Variants in ANKS1B observed in about 807,000 individuals in gnomAD.
ANKS1B encodes the protein ankyrin repeat and sterile alpha motif domain-containing protein 1B.
In ANKS1B, 36 loss-of-function variants were observed where a neutral mutation model predicts 148.3. The ratio of observed to expected loss-of-function variants is 0.24; its 90% confidence interval spans 0.19 to 0.32. The LOEUF (loss-of-function observed/expected upper bound fraction) is 0.32, where lower values mean the gene tolerates loss of function less well. ANKS1B is among the 10% of genes least tolerant of loss of function. ANKS1B has a pLI of 1.00. For missense variants in ANKS1B, 1,157 were observed against 1,542.6 expected (o/e 0.75, Z 4.19); for synonymous variants, 542 against 560.8 (o/e 0.97, Z 0.47).
intron 1 of ANKS1B, among the ~76,000 whole-genome samples, chr12:99,900,377 G>A (rs1185786332): frequency 1.3e-5 from 2 of 151,348 alleles, no homozygotes; most frequent in African/African-American, 4.8e-5. Context: ...ATGGTTGCAG[G>A]TGCCTGTAGT....
At chr12:99,908,995 C>T (rs1428724044) in intron 1 of ANKS1B, among the ~76,000 whole-genome samples, 1 of 152,116 alleles carries the variant, frequency 6.6e-6, no homozygotes, top group East Asian at 1.9e-4. Context: ...TGACATACAT[C>T]TCCCCATTCC....
At chr12:99,355,483 T>C (rs2091888036) in intron 12 of ANKS1B, among the ~76,000 whole-genome samples, 1 of 152,184 alleles carries the variant, frequency 6.6e-6, no homozygotes, top group African/African-American at 2.4e-5. Context: ...AGGTGAGTAA[T>C]ACTAATTTGG....
At position 99,273,221 on chromosome 12, in the gene ANKS1B, T is replaced by C. The variant is rs886255989; in HGVS notation, c.1757-26357A>G. On this transcript the variant is annotated intron_variant, in intron 12 of 26. Coordinates refer to ENST00000683438, the MANE Select transcript of ANKS1B (RefSeq NM_001352186.2). ...ATCCTACTTTTCATATAAGAAACAT[T>C]CTTATGCCTGCTTTCTGTTCATAAA... 7.9e-5 allele frequency among the ~76,000 whole-genome samples: 12 copies of C among 152,192 alleles called. 1 individual carries two copies. Among genetic ancestry groups the C allele is most frequent in the African/African-American group, 2.9e-4 (12 of 41,456 alleles).
intron 21 of ANKS1B, among the ~76,000 whole-genome samples, chr12:98,799,492 G>A (rs148602853): frequency 1.4e-5 from 2 of 146,080 alleles, no homozygotes; most frequent in East Asian, 4.1e-4. Flanking sequence ...ATTCACAGCT[G>A]TGTGCCCTAT....
chr12:99,301,027 C>T (rs1024591222), intron 12 of ANKS1B, among the ~76,000 whole-genome samples: 5 of 152,054 alleles, frequency 3.3e-5, no homozygotes, highest in Admixed American at 1.3e-4. Context: ...AGCCTGAGTC[C>T]GAATCTCTGA....
intron 9 of ANKS1B, among the ~76,000 whole-genome samples, chr12:98,736,424 G>A (rs941013219): frequency 3.9e-5 from 6 of 152,216 alleles, no homozygotes; most frequent in Non-Finnish European, 8.8e-5. Flanking sequence ...ACTGGAAGAA[G>A]AGAGTTGCCG....
chr12:99,217,714 T>C (rs1282567132), intron 14 of ANKS1B, among the ~76,000 whole-genome samples: 1 of 152,152 alleles, frequency 6.6e-6, no homozygotes, highest in Non-Finnish European at 1.5e-5. Flanking sequence ...GCCTTTGAGC[T>C]GAAATAACTA....
At chr12:98,927,249 A>G (rs1165825851) in intron 17 of ANKS1B, among the ~76,000 whole-genome samples, 3 of 152,150 alleles carry the variant, frequency 2.0e-5, no homozygotes, top group Non-Finnish European at 4.4e-5. Flanking sequence ...TACATCCAGC[A>G]AAACCACCAG....
At chr12:99,756,121 G>C (rs1048755756) in intron 8 of ANKS1B, among the ~76,000 whole-genome samples, 1 of 152,138 alleles carries the variant, frequency 6.6e-6, no homozygotes, top group South Asian at 2.1e-4. Context: ...AGGAAATAAA[G>C]AGCATTTGAA....
chr12:99,971,337 G>C (rs1358208318), intron 1 of ANKS1B, among the ~76,000 whole-genome samples: 1 of 152,144 alleles, frequency 6.6e-6, no homozygotes, highest in East Asian at 1.9e-4. Context: ...CTCCTCCATT[G>C]CTGGAGTTTA....
At chr12:99,173,828 G>A (rs942858978) in intron 14 of ANKS1B, among the ~76,000 whole-genome samples, 11 of 151,970 alleles carry the variant, frequency 7.2e-5, no homozygotes, top group South Asian at 2.1e-4. Flanking sequence ...CTCATTACTC[G>A]TAGTTCCTGT....
intron 9 of ANKS1B, among the ~76,000 whole-genome samples, chr12:99,625,060 C>A (rs563272402): frequency 6.6e-6 from 1 of 152,078 alleles, no homozygotes; most frequent in Non-Finnish European, 1.5e-5. Flanking sequence ...GGATACTATG[C>A]AGCCATAAAA....
At chr12:99,289,226 G>A (rs1231922488) in intron 12 of ANKS1B, among the ~76,000 whole-genome samples, 1 of 152,006 alleles carries the variant, frequency 6.6e-6, no homozygotes, top group Admixed American at 6.6e-5. Context: ...TATAACAATT[G>A]TAAATATATA....
At chr12:99,909,712 A>T (rs1307041428) in intron 1 of ANKS1B, among the ~76,000 whole-genome samples, 1 of 152,092 alleles carries the variant, frequency 6.6e-6, no homozygotes, top group African/African-American at 2.4e-5. Context: ...TGCTTTGCCT[A>T]TTTGGGGTCT....
At chr12:98,901,944 C>A (rs1314019242) in intron 17 of ANKS1B, among the ~76,000 whole-genome samples, 1 of 152,136 alleles carries the variant, frequency 6.6e-6, no homozygotes, top group Non-Finnish European at 1.5e-5. Context: ...TTTTATTATT[C>A]TTATTGCCTC....
chr12:99,920,308 AC>A (rs2094312909), intron 1 of ANKS1B, among the ~76,000 whole-genome samples: 1 of 152,180 alleles, frequency 6.6e-6, no homozygotes, highest in African/African-American at 2.4e-5. Flanking sequence ...ACTCTGTGGT[AC>A]TTTCTAACAC....
chr12:98,775,446 T>TTC (rs1051650853), intron 24 of ANKS1B, among the ~76,000 whole-genome samples: 1 of 151,426 alleles, frequency 6.6e-6, no homozygotes. Flanking sequence ...CTTCTTCTCT[T>TTC]TCTCTCTCTC....
intron 17 of ANKS1B, among the ~76,000 whole-genome samples, chr12:98,846,761 C>T (rs2099475211): frequency 6.6e-6 from 1 of 152,208 alleles, no homozygotes; most frequent in African/African-American, 2.4e-5. Context: ...CTCTACTCAT[C>T]TTCTACTCTT....
rs149508771 is a variant in ANKS1B, at chr12:99,913,293, AATG to A, written c.134+70808_134+70810del. Among the ~76,000 whole-genome samples, 965 of 152,338 alleles carry A rather than the reference AATG, an allele frequency of 6.3e-3. 10 individuals are homozygous for A. The highest frequency in any genetic ancestry group is 0.022 in the African/African-American group (913 of 41,576). On this transcript the variant is annotated intron_variant, in intron 1 of 26. Coordinates refer to ENST00000683438, the MANE Select transcript of ANKS1B (RefSeq NM_001352186.2). The stretch of plus-strand genomic sequence containing the variant: ...TCCTCGATCTAGCCAATGATAAAAT[AATG>A]ATGACAGCAAACAGAAGTAGAAACA...
Sources: allele counts gnomAD v4.1 joint callset (sites outside exome capture counted in the v4.1 genomes callset), GRCh38; gene constraint gnomAD v4.1.1; transcripts MANE v1.5; gene names NCBI Gene and HGNC (gene_info 2026-07-23, HGNC 2026-07-21).